Variants in PSMC4 observed in about 807,000 individuals in gnomAD.
PSMC4 encodes the protein proteasome 26S subunit, ATPase 4.
Under a neutral mutation model 48.4 loss-of-function variants are expected in PSMC4, and 13 were observed. That is an observed-to-expected ratio of 0.27 (90% CI 0.18 to 0.43). The LOEUF (loss-of-function observed/expected upper bound fraction) is 0.43. Among genes scored for constraint, PSMC4 ranks in the 20% least tolerant of loss-of-function variants. PSMC4 has a pLI of 1.00. For synonymous variants in PSMC4, 202 were observed against 212.3 expected, an observed-to-expected ratio of 0.95 and a Z score of 0.42; for missense variants, 262 against 555.9, an observed-to-expected ratio of 0.47 and a Z score of 5.32.
intron 6 of PSMC4, among the ~76,000 whole-genome samples, chr19:39,975,356 G>A: frequency 8.1e-6 from 1 of 124,146 alleles, no homozygotes. Flanking sequence ...TGGGCTCAAG[G>A]GATCCTCCCA....
At position 39,974,773 on chromosome 19, in the gene PSMC4, C is replaced by A. The variant is rs1971171836; in HGVS notation, c.618C>A (p.Gly206=). 6.2e-7 allele frequency: 1 copy of A among 1,614,042 alleles called. No individual in the cohort carries two copies. The highest frequency in any genetic ancestry group is 8.5e-7 in the Non-Finnish European group (1 of 1,180,026). ...IDPPRGVLMY[G]PPGCGKTMLA... ...CCCCCCGAGGCGTCCTCATGTATGG[C>A]CCACCTGGCTGTGGGAAGACCATGT... Residue 206 remains glycine, a synonymous_variant, in exon 6 of 11, where the codon GGC becomes GGA. Transcript: ENST00000157812. The surrounding 1 kb of genome is among the most constrained non-coding windows in gnomAD (Gnocchi z 5.5).
Position 39,980,507 on chromosome 19 carries a change from T to A in PSMC4, c.1087+53T>A. On this transcript the variant is annotated intron_variant, in intron 9 of 10. Transcript: ENST00000157812. This position sits in a 1 kb window ranked among gnomAD's most constrained non-coding sequence, Gnocchi z 4.8. The stretch of plus-strand genomic sequence containing the variant: ...GCCCTAGTTGGGAACGGGGATTAGA[T>A]CTTCAGCTCAACTTCTGCCAGCACC... 6.2e-7 allele frequency: 1 copy of A among 1,604,658 alleles called. No individual in the cohort carries two copies. The highest frequency in any genetic ancestry group is 8.5e-7 in the Non-Finnish European group (1 of 1,172,362).
At position 39,980,029 on chromosome 19, in the gene PSMC4, C is replaced by T. The variant is rs760512559; in HGVS notation, c.842-41C>T. 21 of 1,613,686 alleles carry T rather than the reference C, an allele frequency of 1.3e-5. No individual in the cohort carries two copies. The East Asian group carries it at 2.2e-4, about 17-fold the overall frequency. ...GGCCCGGGGTCTTGGACAGGCTTGTCGCATGGGATGCCTGGGACTGACTGT... is the reference window on the plus strand; with the variant it reads ...GGCCCGGGGTCTTGGACAGGCTTGTTGCATGGGATGCCTGGGACTGACTGT... On this transcript the variant is annotated intron_variant, in intron 7 of 10. Transcript: ENST00000157812. The surrounding 1 kb of genome is among the most constrained non-coding windows in gnomAD (Gnocchi z 4.8).
Position 39,974,165 on chromosome 19 carries a change from C to A in PSMC4, c.323-129C>A. The A allele has an allele frequency of 8.8e-7, 1 of 1,141,948 alleles. No individual in the cohort carries two copies. Among genetic ancestry groups the A allele is most frequent in the Non-Finnish European group, 1.2e-6 (1 of 813,254 alleles). The allele number at this position is 1,141,948 out of a possible 1,614,324, so 70.7% of individuals were successfully genotyped here. On this transcript the variant is annotated intron_variant, in intron 3 of 10. Transcript: ENST00000157812. The surrounding 1 kb of genome is among the most constrained non-coding windows in gnomAD (Gnocchi z 5.5). Reference sequence around the variant, plus strand: ...TGGGGACGGACAGCAGGAGGGAAGGCTGGAGGCCGAGAGGGGACCCCTCAG... The same window carrying A: ...TGGGGACGGACAGCAGGAGGGAAGGATGGAGGCCGAGAGGGGACCCCTCAG...
intron 1 of PSMC4, among the ~76,000 whole-genome samples, chr19:39,971,615 G>A (rs1003331307): frequency 1.3e-5 from 2 of 152,210 alleles, no homozygotes; most frequent in African/African-American, 4.8e-5. Context: ...GGGGCTGACT[G>A]ATGTTCAGGG....
chr19:39,975,015 C>T (rs1264591301), intron 6 of PSMC4, among the ~76,000 whole-genome samples, 187 bp downstream of exon 6: 2 of 152,144 alleles, frequency 1.3e-5, no homozygotes, highest in Non-Finnish European at 2.9e-5. Context: ...TCATTTCACC[C>T]GGTGATAGTG....
intron 6 of PSMC4, chr19:39,979,595 T>C: frequency 2.7e-6 from 1 of 375,772 alleles, no homozygotes. Context: ...TTTGTAAGGA[T>C]GATTCATGAT....
chr19:39,980,838 C>A lies in PSMC4; in HGVS notation c.1143+121C>A. On this transcript the variant is annotated intron_variant, in intron 10 of 10. Coordinates refer to ENST00000157812, the MANE Select transcript of PSMC4 (RefSeq NM_006503.4). This position sits in a 1 kb window ranked among gnomAD's most constrained non-coding sequence, Gnocchi z 4.8. Reference sequence around the variant, plus strand: ...CCTGGGTCGTGGGCGCCATCTCTCTCTTCCTCTACCATCACTAGGGGTGGA... The same window carrying A: ...CCTGGGTCGTGGGCGCCATCTCTCTATTCCTCTACCATCACTAGGGGTGGA... The A allele has an allele frequency of 1.0e-6, 1 of 962,628 alleles. No individual in the cohort carries two copies. Among genetic ancestry groups the A allele is most frequent in the South Asian group, 1.3e-5 (1 of 75,092 alleles). 59.6% of individuals were successfully genotyped at this position (962,628 alleles called of 1,614,324 possible). A position where few individuals can be genotyped will look rare whatever the true frequency, so the allele number is the denominator to read the frequency against.
rs1304988920 is a variant in PSMC4, at chr19:39,972,270, T to A, written c.135+26T>A. 6 of 1,611,560 alleles carry A rather than the reference T, an allele frequency of 3.7e-6. No individual in the cohort carries two copies. The South Asian group carries it at 6.6e-5, about 18-fold the overall frequency. The stretch of plus-strand genomic sequence containing the variant: ...GTACATTCGACCCCCAACCCAGACC[T>A]TGCACAGGACCTGACATCTCATACT... On this transcript the variant is annotated intron_variant, in intron 2 of 10. Coordinates refer to ENST00000157812, the MANE Select transcript of PSMC4 (RefSeq NM_006503.4).
intron 3 of PSMC4, 123 bp downstream of exon 3, chr19:39,972,678 T>C: frequency 1.4e-6 from 1 of 704,824 alleles, no homozygotes; most frequent in Non-Finnish European, 2.3e-6. Context: ...TTTTGACTGA[T>C]CGAAAGGTAG....
chr19:39,974,379 C>T lies in PSMC4; in HGVS notation c.408C>T (p.Ser136=), dbSNP rs1304242430. The T allele has an allele frequency of 6.2e-7, 1 of 1,614,156 alleles. No individual in the cohort carries two copies. The highest frequency in any genetic ancestry group is 2.2e-5 in the East Asian group (1 of 44,868). The part of the protein sequence containing the change: ...PNASVALHKH[S]NALVDVLPPE... The stretch of plus-strand genomic sequence containing the variant: ...CCTCAGTGGCCCTCCACAAGCACAG[C>T]AATGCACTGGTGGACGTGCTGCCCC... The change falls in exon 4 of 11, where the codon AGC becomes AGT. Residue 136 remains serine, a synonymous_variant. Coordinates refer to ENST00000157812, the MANE Select transcript of PSMC4 (RefSeq NM_006503.4). This position sits in a 1 kb window ranked among gnomAD's most constrained non-coding sequence, Gnocchi z 5.5.
Position 39,980,513 on chromosome 19 carries a change from G to T in PSMC4, c.1087+59G>T. 6.2e-7 allele frequency: 1 copy of T among 1,602,390 alleles called. No individual in the cohort carries two copies. Among genetic ancestry groups the T allele is most frequent in the Non-Finnish European group, 8.5e-7 (1 of 1,170,530 alleles). Reference sequence around the variant, plus strand: ...GTTGGGAACGGGGATTAGATCTTCAGCTCAACTTCTGCCAGCACCACAGCC... The same window carrying T: ...GTTGGGAACGGGGATTAGATCTTCATCTCAACTTCTGCCAGCACCACAGCC... On this transcript the variant is annotated intron_variant, in intron 9 of 10. Transcript: ENST00000157812. The surrounding 1 kb of genome is among the most constrained non-coding windows in gnomAD (Gnocchi z 4.8).
At chr19:39,979,788 C>T in intron 6 of PSMC4, 29 bp from the exon 7 acceptor site, 1 of 1,585,206 alleles carries the variant, frequency 6.3e-7, no homozygotes, top group Non-Finnish European at 8.6e-7. Context: ...AGGCTCATTC[C>T]CGCCTAACTG....
At position 39,974,826 on chromosome 19, in the gene PSMC4, C is replaced by T; in HGVS notation, c.671C>T (p.Thr224Ile). 6.2e-7 allele frequency: 1 copy of T among 1,613,258 alleles called. No homozygotes were observed. The highest frequency in any genetic ancestry group is 1.1e-5 in the South Asian group (1 of 91,058). The change falls in exon 6 of 11, where the codon ACA (threonine) becomes ATA (isoleucine). Residue 224 changes from threonine to isoleucine, a missense_variant and splice_region_variant. Thr to Ile is a moderately conservative substitution (Grantham distance 89). This residue lies in a region of PSMC4 where 131 missense variants were observed against 276.7 expected (regional missense o/e 0.47). Coordinates refer to ENST00000157812, the MANE Select transcript of PSMC4 (RefSeq NM_006503.4). This position sits in a 1 kb window ranked among gnomAD's most constrained non-coding sequence, Gnocchi z 5.5. ...GCAAAGGCGGTGGCACATCACACAA[C>T]AGGTGAGCCCTTTCGCCCCTGCCCC... is the stretch of plus-strand genomic sequence containing the variant. ...MLAKAVAHHTTAAFIRVVGSE... is the reference protein window; with the variant it reads ...MLAKAVAHHTIAAFIRVVGSE...
Position 39,974,962 on chromosome 19 carries a change from G to T in PSMC4, c.673+134G>T. 1.2e-6 allele frequency: 1 copy of T among 848,132 alleles called. No homozygotes were observed. The highest frequency in any genetic ancestry group is 1.8e-6 in the Non-Finnish European group (1 of 552,198). The allele number at this position is 848,132 out of a possible 1,614,324, so 52.5% of individuals were successfully genotyped here. ...AGCCCACGTGTGCATGTTACTGGCT[G>T]TGCTGACTTCACCTCCTTGGGCCTC... On this transcript the variant is annotated intron_variant, in intron 6 of 10. Coordinates refer to ENST00000157812, the MANE Select transcript of PSMC4 (RefSeq NM_006503.4). The surrounding 1 kb of genome is among the most constrained non-coding windows in gnomAD (Gnocchi z 5.5).
At chr19:39,971,929 A>C (rs1971107506) in intron 1 of PSMC4, among the ~76,000 whole-genome samples, 1 of 152,110 alleles carries the variant, frequency 6.6e-6, no homozygotes, top group Non-Finnish European at 1.5e-5. Context: ...GTATATGATA[A>C]CATAAGATCT....
In PSMC4 at chr19:39,974,395, G is replaced by A. The variant is rs548954243; in HGVS notation, c.424G>A (p.Val142Met). 6.2e-6 allele frequency: 10 copies of A among 1,613,960 alleles called. No individual in the cohort carries two copies. The highest frequency in any genetic ancestry group is 2.2e-5 in the East Asian group (1 of 44,874). ...CAAGCACAGCAATGCACTGGTGGACGTGCTGCCCCCCGAAGCCGACAGCAG... is the reference window on the plus strand; with the variant it reads ...CAAGCACAGCAATGCACTGGTGGACATGCTGCCCCCCGAAGCCGACAGCAG... ...LHKHSNALVD[V>M]LPPEADSSIM... Residue 142 changes from valine (V) to methionine (M), a missense_variant, in exon 4 of 11, where the codon GTG (valine) becomes ATG (methionine). Coordinates refer to ENST00000157812, the MANE Select transcript of PSMC4 (RefSeq NM_006503.4). The surrounding 1 kb of genome is among the most constrained non-coding windows in gnomAD (Gnocchi z 5.5).
chr19:39,980,271 G>T lies in PSMC4; in HGVS notation c.919-15G>T, dbSNP rs768193599. The T allele has an allele frequency of 7.1e-5, 115 of 1,613,550 alleles. No homozygotes were observed. Among genetic ancestry groups the T allele is most frequent in the Middle Eastern group, 1.6e-4 (1 of 6,084 alleles). ...GGAGTGCAGAGATCTGAGCTGGCCT[G>T]CCCCCCAATGTCAGGTAATCATGGC... On this transcript the variant is annotated splice_polypyrimidine_tract_variant and intron_variant, in intron 8 of 10. Transcript: ENST00000157812. This position sits in a 1 kb window ranked among gnomAD's most constrained non-coding sequence, Gnocchi z 4.8.
rs982151173 is a variant in PSMC4 at position 39,978,362 on chromosome 19, G to A, written c.674-1455G>A. Among the ~76,000 whole-genome samples the A allele has an allele frequency of 2.6e-5, 4 of 152,118 alleles. No homozygotes were observed. The East Asian group carries it at 7.7e-4, about 29-fold the overall frequency. ...AATTCCAGGGATGGGGGTTTCATGTGGAACTGGTTGGACATTTGCAGAACA... is the reference window on the plus strand; with the variant it reads ...AATTCCAGGGATGGGGGTTTCATGTAGAACTGGTTGGACATTTGCAGAACA... On this transcript the variant is annotated intron_variant, in intron 6 of 10. Transcript: ENST00000157812.
Sources: gnomAD v4.1 joint callset for allele counts (sites outside exome capture counted in the v4.1 genomes callset) on GRCh38, gnomAD v4.1.1 for gene constraint, gnomAD v4.1.1 regional missense constraint, Gnocchi (gnomAD v3.1) non-coding constraint, MANE v1.5 for transcripts, NCBI Gene and HGNC (gene_info 2026-07-23, HGNC 2026-07-21) for gene names.